LRMDA: variants seen among roughly 807,000 people sequenced by gnomAD.
LRMDA encodes the protein leucine-rich melanocyte differentiation-associated protein.
LRMDA carries 18 observed loss-of-function variants against 29.8 expected under a neutral mutation model. That is an observed-to-expected ratio of 0.60 (90% CI 0.42 to 0.90). The LOEUF (loss-of-function observed/expected upper bound fraction) is 0.90, where lower values mean the gene tolerates loss of function less well. Ranked by LOEUF, LRMDA falls within the 40% of genes least tolerant of loss-of-function variation. LRMDA has a pLI of 0.00. For missense variants in LRMDA, 273 were observed against 273.9 expected (o/e 1.00, Z 0.02); for synonymous variants, 125 against 109.4 (o/e 1.14, Z -0.89).
chr10:75,478,243 T>C (rs1844818581), intron 2 of LRMDA, among the ~76,000 whole-genome samples: 1 of 152,162 alleles, frequency 6.6e-6, no homozygotes, highest in Non-Finnish European at 1.5e-5. Flanking sequence ...GAGAACATCA[T>C]ATTTAAGAGT....
intron 6 of LRMDA, among the ~76,000 whole-genome samples, chr10:76,328,670 G>A (rs547615452): frequency 7.9e-5 from 12 of 152,310 alleles, no homozygotes; most frequent in Admixed American, 1.3e-4. Context: ...ACTGCCATGC[G>A]TTTCCAAAGC....
intron 5 of LRMDA, among the ~76,000 whole-genome samples, chr10:76,094,455 A>G (rs994490059): frequency 1.3e-5 from 2 of 152,166 alleles, no homozygotes; most frequent in African/African-American, 2.4e-5. Flanking sequence ...TTGCTTAGGA[A>G]CACTACATAT....
At chr10:76,346,754 G>T (rs1564730949) in intron 6 of LRMDA, among the ~76,000 whole-genome samples, 1 of 152,078 alleles carries the variant, frequency 6.6e-6, no homozygotes, top group Non-Finnish European at 1.5e-5. Context: ...GGAAATTGAA[G>T]CTTAGAAAGA....
At chr10:76,078,283 A>G (rs1036199701) in intron 5 of LRMDA, among the ~76,000 whole-genome samples, 1 of 151,492 alleles carries the variant, frequency 6.6e-6, no homozygotes, top group Non-Finnish European at 1.5e-5. Context: ...TGCTGGGATT[A>G]CAGACATGAG....
At chr10:76,087,729 T>C (rs897925053) in intron 5 of LRMDA, among the ~76,000 whole-genome samples, 1 of 152,008 alleles carries the variant, frequency 6.6e-6, no homozygotes, top group African/African-American at 2.4e-5. Flanking sequence ...GAACTGCAAA[T>C]AGAGGGGCCC....
intron 6 of LRMDA, among the ~76,000 whole-genome samples, chr10:76,378,948 C>T (rs1334883551): frequency 2.0e-5 from 3 of 150,062 alleles, no homozygotes; most frequent in African/African-American, 7.4e-5. Flanking sequence ...CCTCTGCTTC[C>T]CCGGTTCAAA....
intron 5 of LRMDA, among the ~76,000 whole-genome samples, chr10:76,220,896 A>AG (rs1264715539): frequency 6.6e-6 from 1 of 152,308 alleles, no homozygotes; most frequent in East Asian, 1.9e-4. Flanking sequence ...AACCGAATCC[A>AG]GCAGCACATC....
rs368204821 is a variant in LRMDA at position 75,905,965 on chromosome 10, A to G, written c.132-130043A>G. Among the ~76,000 whole-genome samples, 5 of 150,092 alleles carry G rather than the reference A, an allele frequency of 3.3e-5. No homozygotes were observed. The East Asian group carries it at 7.9e-4, about 24-fold the overall frequency. The stretch of plus-strand genomic sequence containing the variant: ...TCTTTTTTTTAAAAATGATCTCATT[A>G]TTTGTTCTCTAGTCTCTTCCTAAGG... On this transcript the variant is annotated intron_variant, in intron 2 of 6. Coordinates refer to ENST00000611255, the MANE Select transcript of LRMDA (RefSeq NM_001305581.2).
intron 2 of LRMDA, among the ~76,000 whole-genome samples, chr10:75,534,162 T>C (rs1421679783): frequency 6.6e-6 from 1 of 152,186 alleles, no homozygotes; most frequent in Non-Finnish European, 1.5e-5. Context: ...ATATAATATA[T>C]GAGGGTGAGT....
intron 5 of LRMDA, among the ~76,000 whole-genome samples, chr10:76,080,418 C>T (rs933927084): frequency 3.3e-5 from 5 of 152,208 alleles, no homozygotes; most frequent in African/African-American, 1.2e-4. Context: ...TTCTACTACA[C>T]TGAGCTATAC....
chr10:76,093,841 C>G (rs1212196764), intron 5 of LRMDA, among the ~76,000 whole-genome samples: 1 of 152,158 alleles, frequency 6.6e-6, no homozygotes, highest in African/African-American at 2.4e-5. Flanking sequence ...TCTGCTGGTT[C>G]CTGTGTCTAG....
At chr10:76,286,623 C>A (rs1044099504) in intron 5 of LRMDA, among the ~76,000 whole-genome samples, 2 of 152,144 alleles carry the variant, frequency 1.3e-5, no homozygotes, top group African/African-American at 4.8e-5. Context: ...TAGCAAAAAT[C>A]AACCCACCAT....
intron 2 of LRMDA, among the ~76,000 whole-genome samples, chr10:75,665,359 ATTC>A (rs1841808959): frequency 6.6e-6 from 1 of 152,182 alleles, no homozygotes; most frequent in African/African-American, 2.4e-5. Context: ...ACACACCTTT[ATTC>A]TTTTTACTCT....
At chr10:76,303,596 A>G (rs902531668) in intron 5 of LRMDA, among the ~76,000 whole-genome samples, 1 of 152,100 alleles carries the variant, frequency 6.6e-6, no homozygotes, top group Non-Finnish European at 1.5e-5. Flanking sequence ...TGGGTAGTAC[A>G]TCTGTGATAG....
intron 2 of LRMDA, among the ~76,000 whole-genome samples, chr10:75,518,166 T>C (rs1845315320): frequency 6.6e-6 from 1 of 152,218 alleles, no homozygotes; most frequent in Non-Finnish European, 1.5e-5. Flanking sequence ...ATTCTCTTTT[T>C]TGTGTGTGTA....
intron 6 of LRMDA, among the ~76,000 whole-genome samples, chr10:76,510,700 C>A (rs1051560203): frequency 4.8e-4 from 73 of 152,162 alleles, no homozygotes; most frequent in African/African-American, 1.6e-3. Context: ...TTCTACTGCA[C>A]AAATAGATGC....
At chr10:76,073,682 G>C (rs1848911109) in intron 5 of LRMDA, among the ~76,000 whole-genome samples, 1 of 152,176 alleles carries the variant, frequency 6.6e-6, no homozygotes, top group Admixed American at 6.5e-5. Context: ...AAGGATTCCA[G>C]GGTGCCATTT....
At chr10:75,555,021 C>T (rs1840197455) in intron 2 of LRMDA, among the ~76,000 whole-genome samples, 1 of 152,134 alleles carries the variant, frequency 6.6e-6, no homozygotes, top group Admixed American at 6.5e-5. Flanking sequence ...TGGTCCTTTT[C>T]AGTTAGTCCT....
chr10:75,717,364 G>A (rs1842514154), intron 2 of LRMDA, among the ~76,000 whole-genome samples: 1 of 152,210 alleles, frequency 6.6e-6, no homozygotes, highest in African/African-American at 2.4e-5. Context: ...TAAAAACAGG[G>A]CGATGGGATG....
Sources: gnomAD v4.1 joint callset for allele counts (sites outside exome capture counted in the v4.1 genomes callset) on GRCh38, gnomAD v4.1.1 for gene constraint, MANE v1.5 for transcripts, NCBI Gene and HGNC (gene_info 2026-07-23, HGNC 2026-07-21) for gene names.